Variants in ATP6V1C2 observed in about 807,000 individuals in gnomAD.
ATP6V1C2 encodes the protein V-type proton ATPase subunit C 2.
Under a neutral mutation model 56.8 loss-of-function variants are expected in ATP6V1C2, and 45 were observed. That is an observed-to-expected ratio of 0.79 (90% CI 0.62 to 1.02). ATP6V1C2 has a LOEUF of 1.02. Among genes scored for constraint, ATP6V1C2 ranks in the 50% least tolerant of loss-of-function variants. The pLI is 0.00. For missense variants in ATP6V1C2, 463 were observed against 519.7 expected (o/e 0.89, Z 1.06); for synonymous variants, 220 against 201.3 (o/e 1.09, Z -0.79).
intron 3 of ATP6V1C2, among the ~76,000 whole-genome samples, chr2:10,743,523 G>A (rs1662678547): frequency 6.6e-6 from 1 of 151,716 alleles, no homozygotes; most frequent in African/African-American, 2.4e-5. Context: ...AAAATATGGT[G>A]TTTGTAGCAC....
intron 4 of ATP6V1C2, among the ~76,000 whole-genome samples, chr2:10,760,059 A>T (rs570980538): frequency 6.6e-6 from 1 of 151,114 alleles, no homozygotes; most frequent in South Asian, 2.1e-4. Context: ...TTTGAAAAAA[A>T]ATATATAAAT....
In ATP6V1C2 at chr2:10,763,415, G is replaced by C. The variant is rs376330269; in HGVS notation, c.284-916G>C. Among the ~76,000 whole-genome samples, 2 of 152,152 alleles carry C rather than the reference G, an allele frequency of 1.3e-5. No individual in the cohort carries two copies. Among genetic ancestry groups the C allele is most frequent in the Admixed American group, 1.3e-4 (2 of 15,278 alleles). On this transcript the variant is annotated intron_variant, in intron 4 of 13. Coordinates refer to ENST00000272238, the MANE Select transcript of ATP6V1C2 (RefSeq NM_001039362.2). This position sits in a 1 kb window ranked among gnomAD's most constrained non-coding sequence, Gnocchi z 4.2. Reference sequence around the variant, plus strand: ...GCCCCCAGCTCTCTGCGGTGTGTCTGCCTAGGGGTCTCCCTGTGGACCTTG... The same window carrying C: ...GCCCCCAGCTCTCTGCGGTGTGTCTCCCTAGGGGTCTCCCTGTGGACCTTG...
chr2:10,737,421 A>G (rs1333042472), intron 3 of ATP6V1C2, among the ~76,000 whole-genome samples: 2 of 149,388 alleles, frequency 1.3e-5, no homozygotes, highest in Non-Finnish European at 3.0e-5. Flanking sequence ...TCTGTCTCAA[A>G]AAAAAAAAAA....
At chr2:10,723,691 T>A (rs1661480870) in intron 2 of ATP6V1C2, among the ~76,000 whole-genome samples, 1 of 151,098 alleles carries the variant, frequency 6.6e-6, no homozygotes. Context: ...TACAAAAAAA[T>A]AGCCAGGCAT....
chr2:10,739,422 T>C (rs1255567700), intron 3 of ATP6V1C2, among the ~76,000 whole-genome samples: 1 of 151,742 alleles, frequency 6.6e-6, no homozygotes. Flanking sequence ...CCTGACTAGC[T>C]AGACTTCCTG....
intron 1 of ATP6V1C2, 168 bp from the exon 2 acceptor site, chr2:10,722,656 A>G: frequency 3.0e-6 from 2 of 669,878 alleles, no homozygotes; most frequent in South Asian, 2.4e-5. Flanking sequence ...TTTCGGGAAC[A>G]CCTGAGGGCT....
intron 3 of ATP6V1C2, among the ~76,000 whole-genome samples, chr2:10,729,162 C>A (rs1490593080): frequency 6.9e-6 from 1 of 144,330 alleles, no homozygotes; most frequent in Non-Finnish European, 1.5e-5. Context: ...GGTGTATAAT[C>A]ATTGGAAAAC....
chr2:10,721,737 G>T lies in ATP6V1C2; in HGVS notation c.-27+6G>T. 6.6e-6 allele frequency: 1 copy of T among 152,274 alleles called. No individual in the cohort carries two copies. The highest frequency in any genetic ancestry group is 2.0e-4 in the South Asian group (1 of 5,014). 9.4% of individuals were successfully genotyped at this position (152,274 alleles called of 1,614,324 possible). A position where few individuals can be genotyped will look rare whatever the true frequency, so the allele number is the denominator to read the frequency against. On this transcript the variant is annotated splice_donor_region_variant and intron_variant, in intron 1 of 13. Coordinates refer to ENST00000272238, the MANE Select transcript of ATP6V1C2 (RefSeq NM_001039362.2). Reference sequence around the variant, plus strand: ...CCGCGCCCCGCCGGCTCCCGGTAAGGACGCACCGCGGAGCGGGGACCCGAG... The same window carrying T: ...CCGCGCCCCGCCGGCTCCCGGTAAGTACGCACCGCGGAGCGGGGACCCGAG...
At position 10,740,087 on chromosome 2, in the gene ATP6V1C2, C is replaced by CAA. The variant is rs70953339; in HGVS notation, c.197+13533_197+13534dup. On this transcript the variant is annotated intron_variant, in intron 3 of 13. Coordinates refer to ENST00000272238, the MANE Select transcript of ATP6V1C2 (RefSeq NM_001039362.2). Reference sequence around the variant, plus strand: ...TGAGTGACAGAGTGAGACTCCATCTCAAAAAAAAAAAAAAAAGAAAAGAAA... The same window carrying CAA: ...TGAGTGACAGAGTGAGACTCCATCTCAAAAAAAAAAAAAAAAAAGAAAAGAAA... 8.7e-4 allele frequency among the ~76,000 whole-genome samples: 90 copies of CAA among 103,564 alleles called. 1 individual carries two copies. The highest frequency in any genetic ancestry group is 5.3e-3 in the Middle Eastern group (1 of 188). 67.9% of individuals were successfully genotyped at this position (103,564 alleles called of 152,430 possible). A position where few individuals can be genotyped will look rare whatever the true frequency, so the allele number is the denominator to read the frequency against.
At position 10,774,779 on chromosome 2, in the gene ATP6V1C2, C is replaced by T; in HGVS notation, c.639-9C>T. ...GTGAGTCCAGCCAACAGATGCTTCT[C>T]TCCAACAGACTCATTACTGAGGACA... is the stretch of plus-strand genomic sequence containing the variant. On this transcript the variant is annotated splice_polypyrimidine_tract_variant and intron_variant, in intron 8 of 13. Coordinates refer to ENST00000272238, the MANE Select transcript of ATP6V1C2 (RefSeq NM_001039362.2). 1.2e-6 allele frequency: 2 copies of T among 1,612,838 alleles called. No homozygotes were observed. The highest frequency in any genetic ancestry group is 8.5e-7 in the Non-Finnish European group (1 of 1,178,794).
chr2:10,755,755 T>C (rs1360871394), intron 4 of ATP6V1C2, among the ~76,000 whole-genome samples: 1 of 152,216 alleles, frequency 6.6e-6, no homozygotes, highest in Non-Finnish European at 1.5e-5. Context: ...GAGAAATGCC[T>C]TCCTGTGCTG....
chr2:10,747,849 C>CT (rs904276067), intron 3 of ATP6V1C2, among the ~76,000 whole-genome samples: 3 of 151,320 alleles, frequency 2.0e-5, no homozygotes, highest in East Asian at 1.9e-4. Flanking sequence ...GACTTTTTGA[C>CT]TTTTTTTTTC....
rs191238881 is a variant in ATP6V1C2 at position 10,769,148 on chromosome 2, C to T, written c.470+338C>T. Among the ~76,000 whole-genome samples, 529 of 152,338 alleles carry T rather than the reference C, an allele frequency of 3.5e-3. 4 individuals carry two copies. The highest frequency in any genetic ancestry group is 0.012 in the African/African-American group (494 of 41,590). On this transcript the variant is annotated intron_variant, in intron 6 of 13. Transcript: ENST00000272238. ...CTGCACGGAGGGCCCCCAGGGGTGACGGGAGGCCAGGATGTCAGCGCACGG... is the reference window on the plus strand; with the variant it reads ...CTGCACGGAGGGCCCCCAGGGGTGATGGGAGGCCAGGATGTCAGCGCACGG...
At chr2:10,758,965 C>T (rs1056805096) in intron 4 of ATP6V1C2, among the ~76,000 whole-genome samples, 19 of 152,318 alleles carry the variant, frequency 1.2e-4, no homozygotes, top group Non-Finnish European at 1.3e-4. Flanking sequence ...CCGCGCCGGC[C>T]GAGAGGCCTT....
chr2:10,782,165 T>C, intron 12 of ATP6V1C2, 78 bp from the exon 13 acceptor site: 2 of 1,541,946 alleles, frequency 1.3e-6, no homozygotes, highest in South Asian at 2.4e-5. Context: ...CCTCGGAATG[T>C]ACTGTTTCTG....
intron 3 of ATP6V1C2, among the ~76,000 whole-genome samples, chr2:10,745,909 A>G (rs1395388091): frequency 6.6e-6 from 1 of 152,170 alleles, no homozygotes; most frequent in Non-Finnish European, 1.5e-5. Flanking sequence ...ACTCAGCATG[A>G]TGTCTTCAAT....
At position 10,780,716 on chromosome 2, in the gene ATP6V1C2, G is replaced by A. The variant is rs1665294799; in HGVS notation, c.1062-1527G>A. On this transcript the variant is annotated intron_variant, in intron 12 of 13. Transcript: ENST00000272238. The surrounding 1 kb of genome is among the most constrained non-coding windows in gnomAD (Gnocchi z 4.1). ...GGATGCGCATCTGCCCAAGAAAGAG[G>A]TTGAGACCGATGGGCCAGCCGCTCC... 1.3e-5 allele frequency among the ~76,000 whole-genome samples: 2 copies of A among 151,622 alleles called. No individual in the cohort carries two copies. The highest frequency in any genetic ancestry group is 4.8e-5 in the African/African-American group (2 of 41,288).
chr2:10,784,994 T>C lies in ATP6V1C2; in HGVS notation c.*1731T>C. 6.3e-7 allele frequency: 1 copy of C among 1,587,408 alleles called. No individual in the cohort carries two copies. ...CGATGGTAGGGAAAGCCCCGCCTCC[T>C]ACAGGTGCCGTGGAGCCACGCCCAA... is the stretch of plus-strand genomic sequence containing the variant. On this transcript the variant is annotated 3_prime_UTR_variant, in exon 14 of 14. Coordinates refer to ENST00000272238, the MANE Select transcript of ATP6V1C2 (RefSeq NM_001039362.2).
chr2:10,779,787 G>A (rs1665236823), intron 12 of ATP6V1C2, among the ~76,000 whole-genome samples: 1 of 152,034 alleles, frequency 6.6e-6, no homozygotes, highest in Non-Finnish European at 1.5e-5. Flanking sequence ...AACACCAGGA[G>A]AGAACACTGC....
Sources: gnomAD v4.1 joint callset for allele counts (sites outside exome capture counted in the v4.1 genomes callset) on GRCh38, gnomAD v4.1.1 for gene constraint, Gnocchi (gnomAD v3.1) non-coding constraint, MANE v1.5 for transcripts, NCBI Gene and HGNC (gene_info 2026-07-23, HGNC 2026-07-21) for gene names.